The following TMPRSS15 variants were observed in gnomAD, a reference collection of about 807,000 sequenced individuals.
The protein encoded by TMPRSS15 is transmembrane serine protease 15, also known as enteropeptidase.
In TMPRSS15, 128 loss-of-function variants were observed where a neutral mutation model predicts 125.3. The ratio of observed to expected loss-of-function variants is 1.02; its 90% CI spans 0.89 to 1.18. TMPRSS15 has a LOEUF of 1.18. Ranked by LOEUF, TMPRSS15 falls within the 50% of genes most tolerant of loss-of-function variation. The pLI is 0.00. For synonymous variants in TMPRSS15, 446 were observed against 423.2 expected, an observed-to-expected ratio of 1.05 and a Z score of -0.66; for missense variants, 1,283 against 1,212.7, an observed-to-expected ratio of 1.06 and a Z score of -0.86.
chr21:18,278,978 G>GT lies in TMPRSS15; in HGVS notation c.2749dup (p.Thr917AsnfsTer16). 8.4e-7 allele frequency: 1 copy of GT among 1,194,780 alleles called. No individual in the cohort carries two copies. The highest frequency in any genetic ancestry group is 1.2e-5 in the South Asian group (1 of 81,094). 74.0% of individuals were successfully genotyped at this position (1,194,780 alleles called of 1,614,324 possible). A position where few individuals can be genotyped will look rare whatever the true frequency, so the allele number is the denominator to read the frequency against. ...TGATAATTTACCTTGATATACAACC[G>GT]TCCCCCAACCAGCAATAGAACAATT... On this transcript the variant is annotated frameshift_variant, in exon 23 of 25. Transcript: ENST00000284885. LOFTEE classifies it high-confidence loss of function.
intron 1 of TMPRSS15, among the ~76,000 whole-genome samples, chr21:18,413,537 C>T (rs1483214060): frequency 6.6e-6 from 1 of 151,198 alleles, no homozygotes; most frequent in African/African-American, 2.4e-5. Context: ...CTGCCTCAGC[C>T]TCCCGAGTAG....
rs193039298 is a variant in TMPRSS15 at position 18,344,156 on chromosome 21, A to C, written c.1172-96T>G. 1,953 of 1,001,414 alleles carry C rather than the reference A, an allele frequency of 2.0e-3. 5 individuals are homozygous for C. The highest frequency in any genetic ancestry group is 2.6e-3 in the Non-Finnish European group (1,642 of 643,736). The allele number at this position is 1,001,414 out of a possible 1,614,324, so 62.0% of individuals were successfully genotyped here. A position where few individuals can be genotyped will look rare whatever the true frequency, so the allele number is the denominator to read the frequency against. ...TAAGCAGGAAAGAAAAACTTTAAGA[A>C]GAAAGGTTAAGGAAATATATTTTAA... On this transcript the variant is annotated intron_variant, in intron 10 of 24. Coordinates refer to ENST00000284885, the MANE Select transcript of TMPRSS15 (RefSeq NM_002772.3).
intron 10 of TMPRSS15, among the ~76,000 whole-genome samples, chr21:18,349,204 A>G (rs2075539296): frequency 6.6e-6 from 1 of 152,194 alleles, no homozygotes; most frequent in Admixed American, 6.5e-5. Flanking sequence ...AAGTTTCCAC[A>G]TATTATGAAC....
intron 18 of TMPRSS15, among the ~76,000 whole-genome samples, chr21:18,307,550 A>G (rs1403663490): frequency 6.6e-6 from 1 of 152,148 alleles, no homozygotes; most frequent in Non-Finnish European, 1.5e-5. Context: ...TTATATTGTA[A>G]TGATCTATTA....
At chr21:18,474,223 C>T (rs1163890081) in intron 1 of TMPRSS15, among the ~76,000 whole-genome samples, 1 of 151,874 alleles carries the variant, frequency 6.6e-6, no homozygotes, top group Non-Finnish European at 1.5e-5. Context: ...TATTTCTATA[C>T]ACCCAATAGC....
At chr21:18,319,817 C>T (rs2075215645) in intron 16 of TMPRSS15, among the ~76,000 whole-genome samples, 1 of 152,156 alleles carries the variant, frequency 6.6e-6, no homozygotes, top group Admixed American at 6.5e-5. Flanking sequence ...AGAAAACATA[C>T]CTAATCCTTT....
intron 14 of TMPRSS15, among the ~76,000 whole-genome samples, chr21:18,330,356 T>C (rs530215626): frequency 5.9e-5 from 9 of 152,316 alleles, no homozygotes; most frequent in African/African-American, 2.2e-4. Context: ...TTTATCGCCA[T>C]TTTCCTGTAA....
At chr21:18,349,338 C>A (rs2075540581) in intron 10 of TMPRSS15, among the ~76,000 whole-genome samples, 1 of 152,148 alleles carries the variant, frequency 6.6e-6, no homozygotes, top group African/African-American at 2.4e-5. Flanking sequence ...GAAACCCTGA[C>A]TGCTGACAAT....
chr21:18,341,410 T>C lies in TMPRSS15; in HGVS notation c.1564+3A>G, dbSNP rs201009477. 1.9e-6 allele frequency: 3 copies of C among 1,614,094 alleles called. No individual in the cohort carries two copies. In the South Asian group the frequency reaches 3.3e-5, roughly 18 times the overall value. On this transcript the variant is annotated splice_donor_region_variant and intron_variant, in intron 13 of 24. Coordinates refer to ENST00000284885, the MANE Select transcript of TMPRSS15 (RefSeq NM_002772.3). ...AGACAAAATACACATGAAGGTTACT[T>C]ACTAGGAAGTTCTGGTGGAGGAGTT...
At position 18,294,313 on chromosome 21, in the gene TMPRSS15, C is replaced by T. The variant is rs202100185; in HGVS notation, c.2443G>A (p.Val815Ile). 53 of 1,614,220 alleles carry T rather than the reference C, an allele frequency of 3.3e-5. No individual in the cohort carries two copies. The highest frequency in any genetic ancestry group is 8.0e-5 in the African/African-American group (6 of 75,058). ...GGRLLCGASL[V>I]SSDWLVSAAH... Reference sequence around the variant, plus strand: ...GCGGACACCAGCCAGTCACTGCTGACGAGAGATGCGCCGCAGAGCAGTCGG... The same window carrying T: ...GCGGACACCAGCCAGTCACTGCTGATGAGAGATGCGCCGCAGAGCAGTCGG... Residue 815 changes from valine (V) to isoleucine (I), a missense_variant, in exon 21 of 25, where the codon GTC (valine) becomes ATC (isoleucine). Physicochemically the swap from Val to Ile is conservative, Grantham distance 29. Coordinates refer to ENST00000284885, the MANE Select transcript of TMPRSS15 (RefSeq NM_002772.3).
At chr21:18,464,010 T>C (rs1247969436) in intron 1 of TMPRSS15, among the ~76,000 whole-genome samples, 2 of 151,436 alleles carry the variant, frequency 1.3e-5, no homozygotes, top group Non-Finnish European at 2.9e-5. Context: ...CTGTCACTAC[T>C]AAAAATACAA....
In TMPRSS15 at chr21:18,372,191, A is replaced by G. The variant is rs1223340831; in HGVS notation, c.664+2T>C. The G allele has an allele frequency of 1.2e-6, 2 of 1,605,434 alleles. No homozygotes were observed. The highest frequency in any genetic ancestry group is 1.4e-5 in the African/African-American group (1 of 74,070). Reference sequence around the variant, plus strand: ...GGGGAGAGAGTAGGGGGGAGAACTTACCACACATTTTATTGTCTTCGTCAG... The same window carrying G: ...GGGGAGAGAGTAGGGGGGAGAACTTGCCACACATTTTATTGTCTTCGTCAG... On this transcript the variant is annotated splice_donor_variant, in intron 6 of 24. Transcript: ENST00000284885. LOFTEE classifies it high-confidence loss of function.
At chr21:18,345,055 C>T (rs962163379) in intron 10 of TMPRSS15, among the ~76,000 whole-genome samples, 2 of 152,170 alleles carry the variant, frequency 1.3e-5, no homozygotes, top group Non-Finnish European at 2.9e-5. Context: ...GCTAGTAGAA[C>T]TGCCTATAGG....
chr21:18,313,189 T>C, intron 17 of TMPRSS15, 112 bp from the exon 18 acceptor site: 1 of 782,646 alleles, frequency 1.3e-6, no homozygotes, highest in Non-Finnish European at 2.2e-6. Context: ...AATAAGTTCA[T>C]GAGATCTCTT....
chr21:18,417,084 AT>A (rs1218674754), intron 1 of TMPRSS15, among the ~76,000 whole-genome samples: 1 of 152,150 alleles, frequency 6.6e-6, no homozygotes, highest in Non-Finnish European at 1.5e-5. Flanking sequence ...TAAGAAAAAA[AT>A]CATGTCAATT....
chr21:18,442,473 A>G (rs1291325975), intron 1 of TMPRSS15, among the ~76,000 whole-genome samples: 1 of 152,230 alleles, frequency 6.6e-6, no homozygotes, highest in Non-Finnish European at 1.5e-5. Context: ...GTTAAGCTAT[A>G]AAGTAGTTAT....
rs1475271971 is a variant in TMPRSS15, at chr21:18,438,573, G to C, written c.11-40244C>G. On this transcript the variant is annotated intron_variant, in intron 1 of 7. Coordinates refer to the TMPRSS15 transcript ENST00000422787. The stretch of plus-strand genomic sequence containing the variant: ...AAGACATCTTTTTTAAAAATGTTAA[G>C]GAACAGTAATTAATATTGTTTCATA... 5.3e-5 allele frequency among the ~76,000 whole-genome samples: 8 copies of C among 152,176 alleles called. No individual in the cohort carries two copies. The South Asian group carries it at 1.7e-3, about 32-fold the overall frequency.
chr21:18,289,407 GAGGCTGAGGC>G (rs1362480347), intron 21 of TMPRSS15, among the ~76,000 whole-genome samples: 2 of 152,172 alleles, frequency 1.3e-5, no homozygotes, highest in Non-Finnish European at 2.9e-5. Context: ...AGCTACTCGG[GAGGCTGAGGC>G]AGGAAAATCG....
chr21:18,463,923 C>T (rs1978602448), intron 1 of TMPRSS15, among the ~76,000 whole-genome samples: 1 of 151,946 alleles, frequency 6.6e-6, no homozygotes, highest in Non-Finnish European at 1.5e-5. Flanking sequence ...GGCTGTAATC[C>T]CAGCACTTGG....
Sources: allele counts gnomAD v4.1 joint callset (sites outside exome capture counted in the v4.1 genomes callset), GRCh38; gene constraint gnomAD v4.1.1; transcripts MANE v1.5; gene names NCBI Gene and HGNC (gene_info 2026-07-23, HGNC 2026-07-21).